Variants in SLCO1A2 observed in about 807,000 individuals in gnomAD.
SLCO1A2 encodes the protein OATP-1.
Under a neutral mutation model 69.0 loss-of-function variants are expected in SLCO1A2, and 67 were observed. The observed-to-expected ratio is 0.97, with a 90% CI of 0.80 to 1.19. SLCO1A2 has a LOEUF of 1.19. Ranked by LOEUF, SLCO1A2 falls within the 50% of genes most tolerant of loss-of-function variation. SLCO1A2 has a pLI of 0.00. For missense variants in SLCO1A2, 787 were observed against 793.7 expected (o/e 0.99, Z 0.10); for synonymous variants, 260 against 265.9 (o/e 0.98, Z 0.22).
At chr12:21,342,607 T>C in intron 2 of SLCO1A2, among the ~76,000 whole-genome samples, 1 of 151,910 alleles carries the variant, frequency 6.6e-6, no homozygotes, top group Non-Finnish European at 1.5e-5. Context: ...ACATAAGGGG[T>C]GTATGTCACA....
chr12:21,290,962 G>T (rs1021125073), intron 12 of SLCO1A2, among the ~76,000 whole-genome samples: 1 of 152,002 alleles, frequency 6.6e-6, no homozygotes, highest in Non-Finnish European at 1.5e-5. Context: ...AATTCATCAA[G>T]AAAAACATAG....
intron 2 of SLCO1A2, among the ~76,000 whole-genome samples, chr12:21,343,091 A>G (rs1324967184): frequency 1.3e-5 from 2 of 152,120 alleles, no homozygotes; most frequent in Non-Finnish European, 2.9e-5. Context: ...TCAGTTTAGC[A>G]GAGGACTGTG....
intron 12 of SLCO1A2, among the ~76,000 whole-genome samples, chr12:21,282,384 C>A (rs1199967421): frequency 6.8e-6 from 1 of 146,682 alleles, no homozygotes; most frequent in African/African-American, 2.6e-5. Context: ...GATTCAGCAT[C>A]GCTTTATGGT....
At chr12:21,328,842 A>T (rs1952426086) in intron 2 of SLCO1A2, among the ~76,000 whole-genome samples, 1 of 152,206 alleles carries the variant, frequency 6.6e-6, no homozygotes. Context: ...GGGAGAGGTT[A>T]CAGGGCACTG....
intron 1 of SLCO1A2, among the ~76,000 whole-genome samples, chr12:21,411,271 A>C (rs1251967866): frequency 6.6e-6 from 1 of 152,190 alleles, no homozygotes; most frequent in Non-Finnish European, 1.5e-5. Context: ...TGATATGTAA[A>C]TCTTTAATCT....
At chr12:21,354,314 G>A (rs1938192566) in intron 2 of SLCO1A2, among the ~76,000 whole-genome samples, 1 of 152,070 alleles carries the variant, frequency 6.6e-6, no homozygotes, top group South Asian at 2.1e-4. Flanking sequence ...GTAAAAGCCA[G>A]GTATTTTTTT....
At chr12:21,276,387 G>GACACACACACACAC (rs3060629) in intron 12 of SLCO1A2, among the ~76,000 whole-genome samples, 1 of 141,906 alleles carries the variant, frequency 7.0e-6, no homozygotes, top group Non-Finnish European at 1.6e-5. Context: ...GATAAATATG[G>GACACACACACACAC]ACACACACAC....
chr12:21,412,925 T>A (rs1591923110), intron 1 of SLCO1A2, among the ~76,000 whole-genome samples: 1 of 152,284 alleles, frequency 6.6e-6, no homozygotes, highest in East Asian at 1.9e-4. Context: ...TCCTTGGCAG[T>A]CCAAAGCCAG....
intron 2 of SLCO1A2, among the ~76,000 whole-genome samples, chr12:21,331,090 T>A (rs1445765622): frequency 2.6e-5 from 4 of 152,136 alleles, no homozygotes; most frequent in Admixed American, 6.5e-5. Context: ...TTATATATAA[T>A]CCTTAAATAA....
intron 11 of SLCO1A2, among the ~76,000 whole-genome samples, 179 bp downstream of exon 11, chr12:21,293,766 A>C (rs548262127): frequency 6.6e-6 from 1 of 152,136 alleles, no homozygotes; most frequent in Non-Finnish European, 1.5e-5. Context: ...GAGGTTTCAC[A>C]TAAGATCTGG....
intron 1 of SLCO1A2, among the ~76,000 whole-genome samples, chr12:21,383,183 AT>A (rs1404763359): frequency 2.0e-5 from 3 of 152,200 alleles, no homozygotes; most frequent in African/African-American, 7.2e-5. Context: ...GTTAAAAAAA[AT>A]TCAATACACT....
chr12:21,264,672 A>G lies in SLCO1A2; in HGVS notation c.*4876T>C, dbSNP rs1196213294. 1 of 152,108 alleles carries G rather than the reference A, an allele frequency of 6.6e-6. No homozygotes were observed. Among genetic ancestry groups the G allele is most frequent in the Non-Finnish European group, 1.5e-5 (1 of 68,026 alleles). The allele number at this position is 152,108 out of a possible 1,614,324, so 9.4% of individuals were successfully genotyped here. On this transcript the variant is annotated 3_prime_UTR_variant, in exon 15 of 15. Transcript: ENST00000683939. Reference sequence around the variant, plus strand: ...AAGTAACATCATTCCTTAAATATAAAAGCAATCTTACAGGATTATGCAATA... The same window carrying G: ...AAGTAACATCATTCCTTAAATATAAGAGCAATCTTACAGGATTATGCAATA...
intron 10 of SLCO1A2, 153 bp downstream of exon 10, chr12:21,295,444 C>T (rs568325827): frequency 1.2e-5 from 7 of 605,660 alleles, no homozygotes; most frequent in East Asian, 5.7e-5. Flanking sequence ...GATAGATTGG[C>T]TTGATTGACA....
At chr12:21,346,772 C>G (rs558990595) in intron 2 of SLCO1A2, among the ~76,000 whole-genome samples, 5 of 152,162 alleles carry the variant, frequency 3.3e-5, no homozygotes, top group Non-Finnish European at 7.3e-5. Context: ...GTAACACTCA[C>G]ACTTCCCATG....
At chr12:21,276,463 A>G (rs1408255093) in intron 12 of SLCO1A2, among the ~76,000 whole-genome samples, 2 of 149,816 alleles carry the variant, frequency 1.3e-5, no homozygotes, top group African/African-American at 5.0e-5. Context: ...TTTATAAGGG[A>G]GGGGTAGAGC....
intron 2 of SLCO1A2, among the ~76,000 whole-genome samples, chr12:21,346,853 T>G (rs1953267385): frequency 6.6e-6 from 1 of 152,226 alleles, no homozygotes; most frequent in Non-Finnish European, 1.5e-5. Flanking sequence ...GTAGGCTCAT[T>G]TGTATTTAAC....
intron 3 of SLCO1A2, 90 bp downstream of exon 3, chr12:21,318,692 C>G: frequency 8.5e-7 from 1 of 1,169,620 alleles, no homozygotes. Flanking sequence ...ATTAAATGAC[C>G]TAAAACAGCA....
intron 1 of SLCO1A2, among the ~76,000 whole-genome samples, chr12:21,392,594 G>A: frequency 6.6e-6 from 1 of 152,130 alleles, no homozygotes; most frequent in East Asian, 1.9e-4. Flanking sequence ...TCTCTCTACA[G>A]AAACGACTTT....
At chr12:21,385,326 A>G (rs554765994) in intron 1 of SLCO1A2, among the ~76,000 whole-genome samples, 1 of 152,360 alleles carries the variant, frequency 6.6e-6, no homozygotes, top group East Asian at 1.9e-4. Flanking sequence ...GATCTTGAGC[A>G]GAAACTCTGT....
Sources: gnomAD v4.1 joint callset for allele counts (sites outside exome capture counted in the v4.1 genomes callset) on GRCh38, gnomAD v4.1.1 for gene constraint, MANE v1.5 for transcripts, NCBI Gene and HGNC (gene_info 2026-07-23, HGNC 2026-07-21) for gene names.